The following DNAH14 variants were observed in gnomAD, a reference collection of about 807,000 sequenced individuals.
DNAH14 encodes the protein axonemal beta dynein heavy chain 14.
DNAH14 carries 478 observed loss-of-function variants against 520.9 expected under a neutral mutation model. The ratio of observed to expected loss-of-function variants is 0.92; its 90% CI spans 0.85 to 0.99. The LOEUF is 0.99. DNAH14 is among the 50% of genes least tolerant of loss of function. The pLI, the probability that DNAH14 is intolerant of heterozygous loss-of-function variation, is 0.00. For missense variants in DNAH14, 4,831 were observed against 5,234.5 expected, an observed-to-expected ratio of 0.92 and a Z score of 2.38; for synonymous variants, 1,581 against 1,757.2, an observed-to-expected ratio of 0.90 and a Z score of 2.51.
chr1:225,297,853 C>T (rs1314208428), intron 55 of DNAH14, among the ~76,000 whole-genome samples: 2 of 152,160 alleles, frequency 1.3e-5, no homozygotes, highest in Non-Finnish European at 2.9e-5. Context: ...CTTGGCTGGC[C>T]TGGTTGTGTG....
At position 225,236,663 on chromosome 1, in the gene DNAH14, G is replaced by C. The variant is rs187341686; in HGVS notation, c.6519-3930G>C. On this transcript the variant is annotated intron_variant, in intron 42 of 85. Transcript: ENST00000682510. Reference sequence around the variant, plus strand: ...CCTGTATTGGGTGCACATATATTTAGGATAGTTAGCTCTTCTTGTCAAATT... The same window carrying C: ...CCTGTATTGGGTGCACATATATTTACGATAGTTAGCTCTTCTTGTCAAATT... 1.2e-4 allele frequency among the ~76,000 whole-genome samples: 18 copies of C among 152,192 alleles called. No homozygotes were observed. In the East Asian group the frequency reaches 3.3e-3, roughly 28 times the overall value.
At chr1:225,011,522 A>G (rs2064739857) in intron 10 of DNAH14, among the ~76,000 whole-genome samples, 1 of 152,076 alleles carries the variant, frequency 6.6e-6, no homozygotes, top group Non-Finnish European at 1.5e-5. Context: ...ATCTGTTGAC[A>G]GTGAGGTGTT....
intron 27 of DNAH14, among the ~76,000 whole-genome samples, chr1:225,137,040 C>T (rs768541923): frequency 6.6e-6 from 1 of 152,176 alleles, no homozygotes; most frequent in African/African-American, 2.4e-5. Flanking sequence ...TTCTGGCTAT[C>T]AGCTCCTGCA....
At chr1:225,176,703 A>C (rs1014809054) in intron 36 of DNAH14, among the ~76,000 whole-genome samples, 1 of 152,002 alleles carries the variant, frequency 6.6e-6, no homozygotes, top group Non-Finnish European at 1.5e-5. Flanking sequence ...ATTATAAGGG[A>C]GAGTTTTCCT....
Position 225,351,736 on chromosome 1 carries a change from C to G in DNAH14, c.11386C>G (p.Pro3796Ala). ...CCAATATGTCAGCACTCACCTGGAA[C>G]CATTTTCACTTCTGTGCAAATCCCT... ...QCQYVSTHLE[P>A]FSLLCKSLLS... The change falls in exon 72 of 86, where the codon CCA (proline) becomes GCA (alanine). Residue 3796 changes from proline to alanine, a missense_variant. By Grantham distance (27) the Pro-to-Ala change is conservative (BLOSUM62 -1). Transcript: ENST00000682510. The G allele has an allele frequency of 6.4e-7, 1 of 1,551,332 alleles. No homozygotes were observed. Among genetic ancestry groups the G allele is most frequent in the South Asian group, 1.2e-5 (1 of 84,058 alleles).
At chr1:225,324,502 A>T in intron 63 of DNAH14, 149 bp downstream of exon 63, 1 of 1,151,234 alleles carries the variant, frequency 8.7e-7, no homozygotes, top group Middle Eastern at 2.5e-4. Flanking sequence ...TCTAACTCAC[A>T]CAGATGTCAA....
rs1268476211 is a variant in DNAH14, at chr1:224,968,809, G to A, written c.702G>A (p.Leu234=). Residue 234 remains leucine (L), a synonymous_variant, in exon 7 of 86, where the codon TTG becomes TTA. Coordinates refer to ENST00000682510, the MANE Select transcript of DNAH14 (RefSeq NM_001367479.1). ...SVKEVELIPT[L]EWLSERRHYY... ...AGGAAGTAGAACTCATACCTACTTT[G>A]GAATGGCTATCAGAAAGAAGACATT... 1 of 1,541,364 alleles carries A rather than the reference G, an allele frequency of 6.5e-7. No individual in the cohort carries two copies. Among genetic ancestry groups the A allele is most frequent in the Admixed American group, 2.0e-5 (1 of 49,106 alleles).
At chr1:225,058,572 G>A (rs2069511137) in intron 17 of DNAH14, among the ~76,000 whole-genome samples, 1 of 152,126 alleles carries the variant, frequency 6.6e-6, no homozygotes, top group East Asian at 1.9e-4. Flanking sequence ...CCTTCTGAAA[G>A]CTTTTGAATG....
At position 225,377,538 on chromosome 1, in the gene DNAH14, T is replaced by C. The variant is rs777115146; in HGVS notation, c.12716+102T>C. The stretch of plus-strand genomic sequence containing the variant: ...ACCTTGGGAGGCTGAGGTGGACAGA[T>C]TGCTTGAGCTCAGGAGTTCGAGACC... On this transcript the variant is annotated intron_variant, in intron 79 of 85. Transcript: ENST00000682510. 1.8e-4 allele frequency: 208 copies of C among 1,177,686 alleles called. 1 individual carries two copies. The highest frequency in any genetic ancestry group is 2.4e-4 in the Non-Finnish European group (202 of 854,804). The allele number at this position is 1,177,686 out of a possible 1,614,324, so 73.0% of individuals were successfully genotyped here. A position where few individuals can be genotyped will look rare whatever the true frequency, so the allele number is the denominator to read the frequency against.
chr1:225,244,322 T>C (rs1166292856), intron 43 of DNAH14, among the ~76,000 whole-genome samples: 1 of 152,174 alleles, frequency 6.6e-6, no homozygotes, highest in Non-Finnish European at 1.5e-5. Context: ...TCTTTTTTTG[T>C]TGTGTCTCTG....
intron 55 of DNAH14, among the ~76,000 whole-genome samples, chr1:225,291,781 G>A (rs564102062): frequency 8.5e-4 from 129 of 152,164 alleles, no homozygotes; most frequent in Non-Finnish European, 1.4e-3. Context: ...ACTGGGGAGA[G>A]GTGATAGCTT....
At chr1:224,971,285 C>T (rs1320857465) in intron 7 of DNAH14, among the ~76,000 whole-genome samples, 2 of 151,732 alleles carry the variant, frequency 1.3e-5, no homozygotes, top group East Asian at 1.9e-4. Flanking sequence ...CCATTGGGGA[C>T]TAGGAAAACA....
At chr1:225,173,018 T>G (rs984644305) in intron 36 of DNAH14, among the ~76,000 whole-genome samples, 1 of 152,108 alleles carries the variant, frequency 6.6e-6, no homozygotes, top group Non-Finnish European at 1.5e-5. Flanking sequence ...AAAGGATTCC[T>G]TATTTAATAA....
intron 77 of DNAH14, among the ~76,000 whole-genome samples, chr1:225,374,359 T>C (rs1431262789): frequency 6.7e-6 from 1 of 149,006 alleles, no homozygotes; most frequent in Non-Finnish European, 1.5e-5. Flanking sequence ...CACCCTGGGT[T>C]CAAGTTATTC....
At chr1:225,156,304 A>C (rs1415303659) in intron 34 of DNAH14, among the ~76,000 whole-genome samples, 1 of 152,216 alleles carries the variant, frequency 6.6e-6, no homozygotes, top group African/African-American at 2.4e-5. Context: ...TGTGTCTTAA[A>C]AAAACAGAAA....
chr1:225,334,884 A>ATGTGTGTGTG (rs1218533136), intron 66 of DNAH14, among the ~76,000 whole-genome samples: 40 of 143,240 alleles, frequency 2.8e-4, no homozygotes, highest in East Asian at 1.7e-3. Context: ...CTACATATAT[A>ATGTGTGTGTG]TGTGTGTGTG....
chr1:225,301,131 T>C, intron 56 of DNAH14, 101 bp downstream of exon 56: 2 of 1,296,672 alleles, frequency 1.5e-6, no homozygotes, highest in Non-Finnish European at 1.0e-6. Flanking sequence ...TTTCTTTAGA[T>C]CTTTATATGA....
chr1:225,106,452 C>G (rs914422380), intron 23 of DNAH14, among the ~76,000 whole-genome samples: 6 of 152,270 alleles, frequency 3.9e-5, no homozygotes, highest in African/African-American at 1.4e-4. Context: ...GGGAAGTTCT[C>G]CTGGATAATA....
intron 37 of DNAH14, among the ~76,000 whole-genome samples, chr1:225,186,287 C>T (rs541888629): frequency 7.3e-5 from 11 of 151,682 alleles, no homozygotes; most frequent in Middle Eastern, 3.4e-3. Flanking sequence ...ATAATCTTTT[C>T]GCTTTTCCCT....
Sources: gnomAD v4.1 joint callset for allele counts (sites outside exome capture counted in the v4.1 genomes callset) on GRCh38, gnomAD v4.1.1 for gene constraint, MANE v1.5 for transcripts, NCBI Gene and HGNC (gene_info 2026-07-23, HGNC 2026-07-21) for gene names.